Variants in SLIT1 observed in about 807,000 individuals in gnomAD.
SLIT1 encodes slit homolog 1 protein.
Under a neutral mutation model 186.1 loss-of-function variants are expected in SLIT1, and 66 were observed. The ratio of observed to expected loss-of-function variants is 0.35; its 90% CI spans 0.29 to 0.44. SLIT1 has a LOEUF of 0.44. Ranked by LOEUF, SLIT1 falls within the 20% of genes least tolerant of loss-of-function variation. The probability of loss-of-function intolerance (pLI) is 1.00; values close to 1 mark genes in which losing one functional copy is unlikely to be tolerated. For synonymous variants in SLIT1, 761 were observed against 833.8 expected (o/e 0.91, Z 1.50); for missense variants, 1,638 against 2,037.4 (o/e 0.80, Z 3.77).
Position 97,021,503 on chromosome 10 carries a change from G to C in SLIT1, c.2583-90C>G. The C allele has an allele frequency of 3.3e-6, 4 of 1,224,302 alleles. No individual in the cohort carries two copies. The highest frequency in any genetic ancestry group is 4.5e-6 in the Non-Finnish European group (4 of 882,064). 75.8% of individuals were successfully genotyped at this position (1,224,302 alleles called of 1,614,324 possible). A position where few individuals can be genotyped will look rare whatever the true frequency, so the allele number is the denominator to read the frequency against. ...TAGAGTCCCAGGCACTGCACCAGGG[G>C]CTGGCAAAAATCTTAGCCTCCATTT... On this transcript the variant is annotated intron_variant, in intron 25 of 36. Coordinates refer to ENST00000266058, the MANE Select transcript of SLIT1 (RefSeq NM_003061.3). The surrounding 1 kb of genome is among the most constrained non-coding windows in gnomAD (Gnocchi z 4.5).
At chr10:97,141,686 C>CTGTATTGTATTGTACTGTATT in intron 4 of SLIT1, among the ~76,000 whole-genome samples, 1 of 148,440 alleles carries the variant, frequency 6.7e-6, no homozygotes, top group Admixed American at 6.7e-5. Flanking sequence ...CGTATTGTAT[C>CTGTATTGTATTGTACTGTATT]GTATCGTATC....
intron 4 of SLIT1, among the ~76,000 whole-genome samples, chr10:97,126,076 G>A (rs567712573): frequency 5.8e-4 from 88 of 152,286 alleles, no homozygotes; most frequent in Non-Finnish European, 9.7e-4. Context: ...GGAAGGGGAC[G>A]TCGAGATCTG....
rs1454608917 is a variant in SLIT1 at position 97,022,558 on chromosome 10, A to G, written c.2583-1145T>C. On this transcript the variant is annotated intron_variant, in intron 25 of 36. Coordinates refer to ENST00000266058, the MANE Select transcript of SLIT1 (RefSeq NM_003061.3). The surrounding 1 kb of genome is among the most constrained non-coding windows in gnomAD (Gnocchi z 4.2). Reference sequence around the variant, plus strand: ...AGGGGAATTGTGTGACACTTATCATATGACTTATGCAATTGCCTTCTGATC... The same window carrying G: ...AGGGGAATTGTGTGACACTTATCATGTGACTTATGCAATTGCCTTCTGATC... 6.6e-6 allele frequency among the ~76,000 whole-genome samples: 1 copy of G among 152,194 alleles called. No homozygotes were observed. The highest frequency in any genetic ancestry group is 6.5e-5 in the Admixed American group (1 of 15,292).
intron 3 of SLIT1, among the ~76,000 whole-genome samples, chr10:97,162,155 C>G (rs1449598926): frequency 1.3e-5 from 2 of 152,218 alleles, no homozygotes; most frequent in Non-Finnish European, 2.9e-5. Context: ...TGTATTCTAT[C>G]CACATGCAAA....
chr10:97,173,793 A>G (rs1850221945), intron 1 of SLIT1, among the ~76,000 whole-genome samples: 1 of 152,052 alleles, frequency 6.6e-6, no homozygotes, highest in Admixed American at 6.5e-5. Context: ...AGTCCTGGAG[A>G]CCTCAGCCCA....
intron 13 of SLIT1, among the ~76,000 whole-genome samples, chr10:97,053,939 T>C (rs1335125447): frequency 1.3e-5 from 2 of 151,990 alleles, no homozygotes; most frequent in East Asian, 1.9e-4. Flanking sequence ...TGATGGGAGG[T>C]GTTCGGATCG....
chr10:97,123,537 A>G (rs1203820579), intron 4 of SLIT1, among the ~76,000 whole-genome samples: 1 of 152,198 alleles, frequency 6.6e-6, no homozygotes, highest in Non-Finnish European at 1.5e-5. Flanking sequence ...CTGTAATCCC[A>G]GCACTTTGGG....
chr10:97,038,763 C>A (rs951089903), intron 21 of SLIT1, among the ~76,000 whole-genome samples: 7 of 152,198 alleles, frequency 4.6e-5, no homozygotes, highest in African/African-American at 1.7e-4. Flanking sequence ...CTCATCCTTA[C>A]CCCTCGCTCT....
At position 97,047,808 on chromosome 10, in the gene SLIT1, C is replaced by T. The variant is rs745966583; in HGVS notation, c.1516G>A (p.Glu506Lys). Reference protein sequence around the residue: ...PGTEDYQLNSECNSDVVCPHK... With the variant: ...PGTEDYQLNSKCNSDVVCPHK... Reference sequence around the variant, plus strand: ...GGACAGACCACGTCGCTGTTGCACTCGCTGTTCAGCTGGTAATCCTCCGTG... The same window carrying T: ...GGACAGACCACGTCGCTGTTGCACTTGCTGTTCAGCTGGTAATCCTCCGTG... The change falls in exon 16 of 37, where the codon GAG becomes AAG. Residue 506 changes from glutamate (E) to lysine (K), a missense_variant. By Grantham distance (56) the Glu-to-Lys change is moderately conservative (BLOSUM62 1). Around this residue, in one of 3 missense-constraint regions of SLIT1, gnomAD observed 1,245 missense variants for 1,535.3 expected, o/e 0.81. Coordinates refer to ENST00000266058, the MANE Select transcript of SLIT1 (RefSeq NM_003061.3). 2 of 1,614,056 alleles carry T rather than the reference C, an allele frequency of 1.2e-6. No individual in the cohort carries two copies. Among genetic ancestry groups the T allele is most frequent in the East Asian group, 2.2e-5 (1 of 44,888 alleles).
chr10:97,166,617 A>G (rs1457452844), intron 1 of SLIT1, among the ~76,000 whole-genome samples: 1 of 70,064 alleles, frequency 1.4e-5, no homozygotes, highest in Non-Finnish European at 2.8e-5. Flanking sequence ...GAAAGAAAGA[A>G]AGAAAGAGAA....
chr10:97,053,374 G>T (rs1472915014), intron 13 of SLIT1, among the ~76,000 whole-genome samples: 1 of 152,254 alleles, frequency 6.6e-6, no homozygotes, highest in Admixed American at 6.5e-5. Context: ...CTTCCTCTTT[G>T]TCTCCCTGGC....
Position 97,060,171 on chromosome 10 carries a change from AAG to A in SLIT1, c.942-15_942-14del, listed in dbSNP as rs781296444. On this transcript the variant is annotated splice_polypyrimidine_tract_variant and intron_variant, in intron 9 of 36. Coordinates refer to ENST00000266058, the MANE Select transcript of SLIT1 (RefSeq NM_003061.3). ...CAGCTCCAGGCGTCTGCGGGGAGAAAAGAGAGGGGAAGCCCAAGGGCCCAGGT... is the reference window on the plus strand; with the variant it reads ...CAGCTCCAGGCGTCTGCGGGGAGAAAAGAGGGGAAGCCCAAGGGCCCAGGT... The A allele has an allele frequency of 6.2e-7, 1 of 1,611,972 alleles. No individual in the cohort carries two copies. Among genetic ancestry groups the A allele is most frequent in the Non-Finnish European group, 8.5e-7 (1 of 1,178,258 alleles).
chr10:97,038,856 C>T (rs1848665225), intron 21 of SLIT1, among the ~76,000 whole-genome samples: 1 of 152,210 alleles, frequency 6.6e-6, no homozygotes, highest in Non-Finnish European at 1.5e-5. Flanking sequence ...TCCCATTTCA[C>T]AGATGACAAA....
At chr10:97,047,872 G>C (rs748314704) in intron 15 of SLIT1, 38 bp from the exon 16 acceptor site, 3 of 1,612,820 alleles carry the variant, frequency 1.9e-6, no homozygotes, top group Non-Finnish European at 2.5e-6. Flanking sequence ...TGAGGAGCCC[G>C]GGGCCGGCTC....
chr10:97,001,453 G>C (rs1848308679), intron 36 of SLIT1, 103 bp from the exon 37 acceptor site: 1 of 857,076 alleles, frequency 1.2e-6, no homozygotes, highest in East Asian at 2.4e-5. Context: ...CAGCATCTGT[G>C]GGGTGGATCC....
At chr10:97,063,340 G>A in intron 8 of SLIT1, 115 bp downstream of exon 8, 1 of 1,133,316 alleles carries the variant, frequency 8.8e-7, no homozygotes, top group Non-Finnish European at 1.3e-6. Context: ...CAGGTGATGG[G>A]CGGGGTCAGG....
chr10:97,158,677 G>C, intron 3 of SLIT1, among the ~76,000 whole-genome samples: 1 of 102,788 alleles, frequency 9.7e-6, no homozygotes, highest in African/African-American at 4.0e-5. Context: ...AAAAAAAAAA[G>C]AAAGAAAGAA....
chr10:97,112,404 C>T (rs1487877905), intron 4 of SLIT1, among the ~76,000 whole-genome samples: 2 of 152,202 alleles, frequency 1.3e-5, no homozygotes, highest in East Asian at 3.9e-4. Context: ...GGCTGGGAGA[C>T]ATGAATTCAG....
In SLIT1 at chr10:97,063,591, G is replaced by T; in HGVS notation, c.657C>A (p.Cys219Ter). The change falls in exon 8 of 37, where the codon TGC becomes TGA. Residue 219 changes from cysteine to a stop codon, truncating the protein, a stop_gained. Coordinates refer to ENST00000266058, the MANE Select transcript of SLIT1 (RefSeq NM_003061.3). LOFTEE classifies it high-confidence loss of function. ...GCGAGAGCCAGGCCAGGTGGCAGTC[G>T]CAAAACAGGTGGTTGGAGTGCAGGC... ...TFRLHSNHLF[C>*]DCHLAWLSQW... 6.2e-7 allele frequency: 1 copy of T among 1,611,526 alleles called. No individual in the cohort carries two copies. The highest frequency in any genetic ancestry group is 8.5e-7 in the Non-Finnish European group (1 of 1,178,866).
Sources: allele counts gnomAD v4.1 joint callset (sites outside exome capture counted in the v4.1 genomes callset), GRCh38; gene constraint gnomAD v4.1.1; regional missense constraint gnomAD v4.1.1; non-coding constraint Gnocchi (gnomAD v3.1); transcripts MANE v1.5; gene names NCBI Gene and HGNC (gene_info 2026-07-23, HGNC 2026-07-21).